The following SLC36A3 variants were observed in gnomAD, a reference collection of about 807,000 sequenced individuals.
SLC36A3 encodes proton-coupled amino acid transporter 3.
In SLC36A3, 35 loss-of-function variants were observed where a neutral mutation model predicts 44.3. The ratio of observed to expected loss-of-function variants is 0.79; its 90% CI spans 0.60 to 1.05. The LOEUF (loss-of-function observed/expected upper bound fraction) is 1.05, where lower values mean the gene tolerates loss of function less well. Among genes scored for constraint, SLC36A3 ranks in the 50% least tolerant of loss-of-function variants. The probability of loss-of-function intolerance (pLI) is 0.00; values close to 1 mark genes in which losing one functional copy is unlikely to be tolerated. For synonymous variants in SLC36A3, 211 were observed against 227.6 expected, an observed-to-expected ratio of 0.93 and a Z score of 0.66; for missense variants, 540 against 578.7, an observed-to-expected ratio of 0.93 and a Z score of 0.69.
chr5:151,284,557 A>T (rs1035737558), intron 7 of SLC36A3, 56 bp downstream of exon 7: 1 of 1,298,636 alleles, frequency 7.7e-7, no homozygotes, highest in Non-Finnish European at 1.1e-6. Flanking sequence ...CTGCAACTAC[A>T]GTTGGCCACT....
intron 3 of SLC36A3, among the ~76,000 whole-genome samples, chr5:151,295,819 G>T (rs1754939005): frequency 6.6e-6 from 1 of 152,222 alleles, no homozygotes. Context: ...TGGAGTGGGA[G>T]AAGGTTGGGG....
Position 151,293,467 on chromosome 5 carries a change from G to A in SLC36A3, c.309-8C>T. On this transcript the variant is annotated splice_region_variant and splice_polypyrimidine_tract_variant and intron_variant, in intron 3 of 9. Coordinates refer to ENST00000335230, the MANE Select transcript of SLC36A3 (RefSeq NM_181774.4). Reference sequence around the variant, plus strand: ...ACAAAAGTCTTCTGCAGTCTAGGGGGAAAGAACAAACAATGCATAATTTAA... The same window carrying A: ...ACAAAAGTCTTCTGCAGTCTAGGGGAAAAGAACAAACAATGCATAATTTAA... The A allele has an allele frequency of 3.1e-6, 5 of 1,606,620 alleles. No individual in the cohort carries two copies. Among genetic ancestry groups the A allele is most frequent in the Non-Finnish European group, 4.3e-6 (5 of 1,175,588 alleles).
chr5:151,294,044 C>T (rs1017380818), intron 3 of SLC36A3, among the ~76,000 whole-genome samples: 1 of 152,218 alleles, frequency 6.6e-6, no homozygotes, highest in African/African-American at 2.4e-5. Context: ...TTGCCCAGAT[C>T]CTGGAAGCAC....
chr5:151,277,767 T>A, intron 9 of SLC36A3, 106 bp from the exon 10 acceptor site: 1 of 1,407,468 alleles, frequency 7.1e-7, no homozygotes, highest in South Asian at 1.4e-5. Flanking sequence ...TTTGGAGAGG[T>A]GGGAGGGAGC....
chr5:151,299,264 C>CTCTCTCTCTCTCTCTCTATATATATA (rs1372309288), intron 1 of SLC36A3, among the ~76,000 whole-genome samples: 1 of 59,646 alleles, frequency 1.7e-5, no homozygotes, highest in Non-Finnish European at 3.1e-5. Flanking sequence ...CTCTCTCTCT[C>CTCTCTCTCTCTCTCTCTATATATATA]TATATATATA....
intron 1 of SLC36A3, among the ~76,000 whole-genome samples, chr5:151,300,891 C>T (rs1185871652): frequency 6.6e-6 from 1 of 152,234 alleles, no homozygotes; most frequent in Non-Finnish European, 1.5e-5. Flanking sequence ...AACCGCTATG[C>T]ATGCTGGATC....
In SLC36A3 at chr5:151,284,509, A is replaced by G. The variant is rs547790418; in HGVS notation, c.807+104T>C. On this transcript the variant is annotated intron_variant, in intron 7 of 9. Coordinates refer to ENST00000335230, the MANE Select transcript of SLC36A3 (RefSeq NM_181774.4). ...TTTCCCTTCACCAGGAGAAGATCAG[A>G]GTCTGCACCTTTTCATAAATACTAT... 4 of 906,026 alleles carry G rather than the reference A, an allele frequency of 4.4e-6. No individual in the cohort carries two copies. The South Asian group carries it at 5.4e-5, about 12-fold the overall frequency. 56.1% of individuals were successfully genotyped at this position (906,026 alleles called of 1,614,324 possible). A position where few individuals can be genotyped will look rare whatever the true frequency, so the allele number is the denominator to read the frequency against.
In SLC36A3 at chr5:151,296,045, G is replaced by T. The variant is rs1185924403; in HGVS notation, c.308+135C>A. 5 of 782,950 alleles carry T rather than the reference G, an allele frequency of 6.4e-6. No homozygotes were observed. The Admixed American group carries it at 9.6e-5, about 15-fold the overall frequency. 48.5% of individuals were successfully genotyped at this position (782,950 alleles called of 1,614,324 possible). ...TGGGACTCTCTGTCATGCTCTCCTT[G>T]CCTTCATAGAATCCAGATTGGTAGG... On this transcript the variant is annotated intron_variant, in intron 3 of 9. Coordinates refer to ENST00000335230, the MANE Select transcript of SLC36A3 (RefSeq NM_181774.4).
intron 5 of SLC36A3, among the ~76,000 whole-genome samples, chr5:151,287,863 T>G (rs961333369): frequency 7.9e-5 from 12 of 152,162 alleles, no homozygotes; most frequent in Non-Finnish European, 1.8e-4. Context: ...TCTGGGAAGC[T>G]CTAAATATTG....
At chr5:151,279,860 C>T (rs1021620897) in intron 9 of SLC36A3, among the ~76,000 whole-genome samples, 1 of 152,160 alleles carries the variant, frequency 6.6e-6, no homozygotes, top group African/African-American at 2.4e-5. Context: ...AATTCTGACT[C>T]CTGGAGCCTT....
chr5:151,284,518 C>A (rs1010781538), intron 7 of SLC36A3, 95 bp downstream of exon 7: 4 of 1,010,052 alleles, frequency 4.0e-6, no homozygotes, highest in Non-Finnish European at 5.9e-6. Context: ...GAGTCTGCAC[C>A]TTTTCATAAA....
chr5:151,280,909 T>C (rs1388378858), intron 9 of SLC36A3, 105 bp downstream of exon 9: 1 of 1,401,532 alleles, frequency 7.1e-7, no homozygotes, highest in East Asian at 2.3e-5. Flanking sequence ...TATCCCACCC[T>C]AGGTCACAAA....
intron 3 of SLC36A3, 100 bp from the exon 4 acceptor site, chr5:151,293,559 T>G (rs1285363233): frequency 3.5e-5 from 32 of 912,218 alleles, no homozygotes; most frequent in Non-Finnish European, 5.3e-5. Context: ...TGTGTGAGCA[T>G]GAAGCCTTCT....
chr5:151,285,906 G>C (rs1754518577), intron 6 of SLC36A3, among the ~76,000 whole-genome samples: 1 of 152,200 alleles, frequency 6.6e-6, no homozygotes, highest in East Asian at 1.9e-4. Context: ...AATCCAGAAA[G>C]GAATGCTGCT....
At chr5:151,282,122 T>G (rs1754345968) in intron 8 of SLC36A3, among the ~76,000 whole-genome samples, 1 of 140,806 alleles carries the variant, frequency 7.1e-6, no homozygotes, top group Non-Finnish European at 1.5e-5. Context: ...TTTTTTTTTT[T>G]TTTTTTTTTT....
intron 8 of SLC36A3, among the ~76,000 whole-genome samples, chr5:151,281,442 C>T (rs1309411597): frequency 6.6e-6 from 1 of 152,146 alleles, no homozygotes; most frequent in African/African-American, 2.4e-5. Flanking sequence ...ATCCGGGAAG[C>T]TTATTAAAAG....
chr5:151,300,422 G>A (rs567340389), intron 1 of SLC36A3, among the ~76,000 whole-genome samples: 1 of 152,272 alleles, frequency 6.6e-6, no homozygotes, highest in African/African-American at 2.4e-5. Flanking sequence ...TAAGGATGGG[G>A]GGGTGGGCAC....
intron 9 of SLC36A3, 122 bp downstream of exon 9, chr5:151,280,892 G>A: frequency 8.8e-7 from 1 of 1,140,706 alleles, no homozygotes. Context: ...GGTCCAGGGA[G>A]GTGAAATATC....
At chr5:151,282,855 T>C (rs942822429) in intron 8 of SLC36A3, among the ~76,000 whole-genome samples, 2 of 151,602 alleles carry the variant, frequency 1.3e-5, no homozygotes, top group African/African-American at 4.9e-5. Context: ...ATTTTTTAAC[T>C]CACATTTCTA....
Sources: allele counts gnomAD v4.1 joint callset (sites outside exome capture counted in the v4.1 genomes callset), GRCh38; gene constraint gnomAD v4.1.1; transcripts MANE v1.5; gene names NCBI Gene and HGNC (gene_info 2026-07-23, HGNC 2026-07-21).